Variants in LLGL2 observed in about 807,000 individuals in gnomAD.
The protein encoded by LLGL2 is LLGL scribble cell polarity complex component 2.
LLGL2 carries 81 observed loss-of-function variants against 123.2 expected under a neutral mutation model. That is an observed-to-expected ratio of 0.66 (90% CI 0.55 to 0.79). The LOEUF is 0.79. Ranked by LOEUF, LLGL2 falls within the 30% of genes least tolerant of loss-of-function variation. LLGL2 has a pLI of 0.00. For synonymous variants in LLGL2, 577 were observed against 594.1 expected, an observed-to-expected ratio of 0.97 and a Z score of 0.42; for missense variants, 1,273 against 1,414.6, an observed-to-expected ratio of 0.90 and a Z score of 1.61.
At position 75,563,138 on chromosome 17, in the gene LLGL2, T is replaced by C. The variant is rs2055296132; in HGVS notation, c.653T>C (p.Leu218Pro). The C allele has an allele frequency of 6.2e-7, 1 of 1,613,070 alleles. No homozygotes were observed. Among genetic ancestry groups the C allele is most frequent in the African/African-American group, 1.3e-5 (1 of 74,942 alleles). ...YSRGLVVIWDLQGSRVLYHFL... is the reference protein window; with the variant it reads ...YSRGLVVIWDPQGSRVLYHFL... ...CGAGGCCTCGTTGTCATCTGGGACC[T>C]ACAGGGCAGCCGCGTGCTCTACCAC... The change falls in exon 7 of 26, where the codon CTA becomes CCA. Residue 218 changes from leucine to proline, a missense_variant. Coordinates refer to ENST00000392550, the MANE Select transcript of LLGL2 (RefSeq NM_001031803.2).
intron 22 of LLGL2, 103 bp downstream of exon 22, chr17:75,574,083 C>T: frequency 6.5e-7 from 1 of 1,548,626 alleles, no homozygotes. Flanking sequence ...AGTGTTTGGG[C>T]TGGGAATAGA....
rs371727851 is a variant in LLGL2, at chr17:75,559,369, G to T, written c.489G>T (p.Ala163=). The change falls in exon 6 of 26, where the codon GCG becomes GCT. Residue 163 remains alanine, a synonymous_variant. Coordinates refer to ENST00000392550, the MANE Select transcript of LLGL2 (RefSeq NM_001031803.2). The surrounding 1 kb of genome is among the most constrained non-coding windows in gnomAD (Gnocchi z 4.6). ...VFVVQLPAFR[A]LEDRTISSDA... is the part of the protein sequence containing the mutation. ...TGGTGCAGCTGCCAGCTTTTCGTGC[G>T]CTGGAGGACCGGACCATCAGCTCGG... 1 of 1,613,210 alleles carries T rather than the reference G, an allele frequency of 6.2e-7. No homozygotes were observed. Among genetic ancestry groups the T allele is most frequent in the South Asian group, 1.1e-5 (1 of 91,048 alleles).
chr17:75,563,889 T>C (rs1370411643), intron 9 of LLGL2, 83 bp downstream of exon 9: 2 of 1,379,070 alleles, frequency 1.5e-6, no homozygotes, highest in Non-Finnish European at 2.1e-6. Context: ...GCCTGGGAAG[T>C]TGGTGCCAGT....
chr17:75,534,756 C>T (rs2053938202), intron 1 of LLGL2, among the ~76,000 whole-genome samples: 1 of 152,246 alleles, frequency 6.6e-6, no homozygotes, highest in African/African-American at 2.4e-5. Flanking sequence ...GCTGGGATTA[C>T]AGGCATAAGC....
At chr17:75,534,349 G>A (rs186447711) in intron 1 of LLGL2, among the ~76,000 whole-genome samples, 1 of 152,250 alleles carries the variant, frequency 6.6e-6, no homozygotes, top group African/African-American at 2.4e-5. Flanking sequence ...GATAGATGGT[G>A]GGGGGAATGG....
At chr17:75,557,093 G>A (rs1002732478) in intron 3 of LLGL2, among the ~76,000 whole-genome samples, 4 of 137,408 alleles carry the variant, frequency 2.9e-5, no homozygotes, top group Non-Finnish European at 4.5e-5. Flanking sequence ...TGCCCAGCCT[G>A]GTCTTGAACT....
chr17:75,528,135 A>G (rs914158989), intron 1 of LLGL2, among the ~76,000 whole-genome samples: 2 of 151,144 alleles, frequency 1.3e-5, no homozygotes, highest in Admixed American at 6.6e-5. Context: ...ATTTATTTTG[A>G]GACAGAGTCT....
chr17:75,572,675 A>AAAC (rs1447848722), intron 19 of LLGL2, among the ~76,000 whole-genome samples: 1 of 151,302 alleles, frequency 6.6e-6, no homozygotes, highest in African/African-American at 2.4e-5. Context: ...AAAAAAAAAA[A>AAAC]AAAAAACCAG....
chr17:75,545,098 G>A (rs1036616959), intron 2 of LLGL2, among the ~76,000 whole-genome samples: 6 of 152,066 alleles, frequency 3.9e-5, no homozygotes, highest in Non-Finnish European at 1.5e-5. Flanking sequence ...TCAGCAAATA[G>A]GGCTGAACAC....
chr17:75,535,780 G>C (rs2053978644), intron 1 of LLGL2, among the ~76,000 whole-genome samples: 1 of 152,230 alleles, frequency 6.6e-6, no homozygotes, highest in Non-Finnish European at 1.5e-5. Flanking sequence ...GCCAGGGTGT[G>C]GATTTTGTGG....
At chr17:75,569,596 A>T (rs1043916088) in intron 14 of LLGL2, among the ~76,000 whole-genome samples, 10 of 152,238 alleles carry the variant, frequency 6.6e-5, no homozygotes, top group Middle Eastern at 3.4e-3. Context: ...TGAGGTCAGG[A>T]GTTCGAGACC....
At chr17:75,573,415 C>T in intron 20 of LLGL2, 66 bp from the exon 21 acceptor site, 2 of 1,578,378 alleles carry the variant, frequency 1.3e-6, no homozygotes, top group South Asian at 2.3e-5. Flanking sequence ...GCCCCTACTC[C>T]CCCAGGTGGG....
chr17:75,563,606 G>A, intron 8 of LLGL2, 143 bp downstream of exon 8: 1 of 1,477,400 alleles, frequency 6.8e-7, no homozygotes, highest in Non-Finnish European at 9.3e-7. Flanking sequence ...GCCTCACCCA[G>A]TTTCTTGGGG....
chr17:75,556,138 C>G lies in LLGL2; in HGVS notation c.168C>G (p.Ile56Met). 1 of 1,609,432 alleles carries G rather than the reference C, an allele frequency of 6.2e-7. No homozygotes were observed. The highest frequency in any genetic ancestry group is 1.1e-5 in the South Asian group (1 of 91,068). The change falls in exon 3 of 26, where the codon ATC (isoleucine) becomes ATG (methionine). Residue 56 changes from isoleucine (I) to methionine (M), a missense_variant. Transcript: ENST00000392550. ...CCATCGGCACCCGTTCTGGAGCCAT[C>G]AAGCTGTATCCTCCGTCCCCTCGCT... Reference protein sequence around the residue: ...ILAIGTRSGAIKLYGAPGVEF... With the variant: ...ILAIGTRSGAMKLYGAPGVEF...
rs1257646911 is a variant in LLGL2, at chr17:75,544,974, C to T, written c.75+1473C>T. On this transcript the variant is annotated intron_variant, in intron 2 of 25. Transcript: ENST00000392550. This position sits in a 1 kb window ranked among gnomAD's most constrained non-coding sequence, Gnocchi z 4.2. Reference sequence around the variant, plus strand: ...GCTACCCTTGCTCTGGAGGGAGTAGCCTATGGGTGCTGGGTCTCAAAGCTT... The same window carrying T: ...GCTACCCTTGCTCTGGAGGGAGTAGTCTATGGGTGCTGGGTCTCAAAGCTT... Among the ~76,000 whole-genome samples the T allele has an allele frequency of 1.3e-5, 2 of 152,062 alleles. No homozygotes were observed. The highest frequency in any genetic ancestry group is 3.8e-4 in the East Asian group (2 of 5,196).
intron 1 of LLGL2, among the ~76,000 whole-genome samples, chr17:75,532,079 T>TACACAC (rs1555648021): frequency 7.3e-5 from 2 of 27,544 alleles, no homozygotes; most frequent in Non-Finnish European, 2.1e-4. Flanking sequence ...CACACACACT[T>TACACAC]TTTTTTTTTT....
chr17:75,542,251 G>A (rs2054242252), intron 1 of LLGL2, among the ~76,000 whole-genome samples: 1 of 151,968 alleles, frequency 6.6e-6, no homozygotes, highest in South Asian at 2.1e-4. Flanking sequence ...CTTCTCGAAG[G>A]TATCTAAGCT....
Position 75,568,971 on chromosome 17 carries a change from C to T in LLGL2, c.1323-7C>T, listed in dbSNP as rs761148543. 5.6e-6 allele frequency: 9 copies of T among 1,609,172 alleles called. No individual in the cohort carries two copies. The highest frequency in any genetic ancestry group is 5.3e-5 in the African/African-American group (4 of 74,828). ...TCTCACGCCTGGCAGGTGGGTTCTGCCCACAGGCACGAGGACGGCACGGTG... is the reference window on the plus strand; with the variant it reads ...TCTCACGCCTGGCAGGTGGGTTCTGTCCACAGGCACGAGGACGGCACGGTG... On this transcript the variant is annotated splice_polypyrimidine_tract_variant and splice_region_variant and intron_variant, in intron 12 of 25. Coordinates refer to ENST00000392550, the MANE Select transcript of LLGL2 (RefSeq NM_001031803.2).
Position 75,559,064 on chromosome 17 carries a change from C to G in LLGL2, c.372-188C>G. ...GGGTCCCTGGCGTCTTTCCTGCCTC[C>G]TAGCCCAGGCTCTCTGCCATCTGTC... is the stretch of plus-strand genomic sequence containing the variant. On this transcript the variant is annotated intron_variant, in intron 5 of 25. Transcript: ENST00000392550. The surrounding 1 kb of genome is among the most constrained non-coding windows in gnomAD (Gnocchi z 4.6). 1.5e-6 allele frequency: 1 copy of G among 671,114 alleles called. No individual in the cohort carries two copies. The highest frequency in any genetic ancestry group is 2.5e-6 in the Non-Finnish European group (1 of 406,846). 41.6% of individuals were successfully genotyped at this position (671,114 alleles called of 1,614,324 possible). A position where few individuals can be genotyped will look rare whatever the true frequency, so the allele number is the denominator to read the frequency against.
Sources: gnomAD v4.1 joint callset for allele counts (sites outside exome capture counted in the v4.1 genomes callset) on GRCh38, gnomAD v4.1.1 for gene constraint, Gnocchi (gnomAD v3.1) non-coding constraint, MANE v1.5 for transcripts, NCBI Gene and HGNC (gene_info 2026-07-23, HGNC 2026-07-21) for gene names.